RPGR: variants seen among roughly 807,000 people sequenced by gnomAD.
RPGR encodes the protein X-linked retinitis pigmentosa GTPase regulator.
RPGR carries 10 observed loss-of-function variants against 56.3 expected under a neutral mutation model. The observed-to-expected ratio is 0.18, with a 90% confidence interval of 0.11 to 0.30. The LOEUF is 0.30. RPGR is among the 10% of genes least tolerant of loss of function. RPGR has a pLI of 1.00. For missense variants in RPGR, 538 were observed against 590.9 expected (o/e 0.91, Z 0.93); for synonymous variants, 197 against 212.9 (o/e 0.93, Z 0.65).
chrX:38,307,453 T>C (rs1049710535), intron 7 of RPGR, among the ~76,000 whole-genome samples: 1 of 112,685 alleles, frequency 8.9e-6, no homozygotes, highest in African/African-American at 3.2e-5. Context: ...GATCCTCTAA[T>C]AGATTTTTAA....
rs1569235603 is a variant in RPGR, at chrX:38,285,985, C to T, written c.1905+1109G>A. The T allele has an allele frequency of 2.3e-6, 2 of 855,513 alleles. No individual in the cohort carries two copies. The highest frequency in any genetic ancestry group is 2.8e-5 in the African/African-American group (1 of 36,261). 70.5% of individuals were successfully genotyped at this position (855,513 alleles called of 1,213,427 possible). A position where few individuals can be genotyped will look rare whatever the true frequency, so the allele number is the denominator to read the frequency against. On this transcript the variant is annotated intron_variant, in intron 15 of 18. Coordinates refer to ENST00000642395, the MANE Select transcript of RPGR (RefSeq NM_000328.3). The stretch of plus-strand genomic sequence containing the variant: ...CCCTTCTCCCTCCCCTTCTTCCTCT[C>T]CCTCTCCTTCTTCCTCCCCTTCTTC...
chrX:38,293,738 T>C (rs146024592), intron 11 of RPGR, among the ~76,000 whole-genome samples: 2,225 of 111,947 alleles, frequency 0.02, 37 homozygotes, highest in Middle Eastern at 0.055. Context: ...CAACTACCTA[T>C]ATTTGTACCC....
In RPGR at chrX:38,309,973, T is replaced by A. The variant is rs747645408; in HGVS notation, c.778+642A>T. Among the ~76,000 whole-genome samples, 63 of 111,506 alleles carry A rather than the reference T, an allele frequency of 5.6e-4. 1 individual carries two copies. The East Asian group carries it at 0.016, about 29-fold the overall frequency. On this transcript the variant is annotated intron_variant, in intron 7 of 18. Transcript: ENST00000642395. ...AGGAATAAAGGGTGAGAATCTTTTTTTTGTTTGTTTTTCTTTTTGTTTTGA... is the reference window on the plus strand; with the variant it reads ...AGGAATAAAGGGTGAGAATCTTTTTATTGTTTGTTTTTCTTTTTGTTTTGA...
intron 13 of RPGR, among the ~76,000 whole-genome samples, chrX:38,289,593 T>C (rs2067248872): frequency 8.9e-6 from 1 of 112,027 alleles, no homozygotes; most frequent in African/African-American, 3.2e-5. Flanking sequence ...TAGGAAGAGG[T>C]TCCTATTGTG....
Position 38,310,599 on chromosome X carries a change from T to C in RPGR, c.778+16A>G, listed in dbSNP as rs374841764. 23 of 1,207,693 alleles carry C rather than the reference T, an allele frequency of 1.9e-5. No homozygotes were observed. Among genetic ancestry groups the C allele is most frequent in the Admixed American group, 2.2e-5 (1 of 45,668 alleles). ...CCACAGAACGCAGGGAACAGAACAG[T>C]GGACTCCACACATACCCGTGAGAAC... On this transcript the variant is annotated intron_variant, in intron 7 of 18. Coordinates refer to ENST00000642395, the MANE Select transcript of RPGR (RefSeq NM_000328.3).
Position 38,285,720 on chromosome X carries a change from T to A in RPGR, c.1905+1374A>T, listed in dbSNP as rs1464576646. The A allele has an allele frequency of 8.3e-7, 1 of 1,208,969 alleles. No homozygotes were observed. Among genetic ancestry groups the A allele is most frequent in the Admixed American group, 2.2e-5 (1 of 45,640 alleles). On this transcript the variant is annotated intron_variant, in intron 15 of 18. Coordinates refer to ENST00000642395, the MANE Select transcript of RPGR (RefSeq NM_000328.3). ...TTTTATGTTTGCCATATTTCACAGA[T>A]CCTTTTATTTTGCTCACTTTTTTGT...
chrX:38,288,544 A>G (rs2067231228), intron 13 of RPGR, among the ~76,000 whole-genome samples: 1 of 110,612 alleles, frequency 9.0e-6, no homozygotes, highest in South Asian at 3.9e-4. Flanking sequence ...GTCTCTACTA[A>G]AAGTACAAAA....
intron 15 of RPGR, among the ~76,000 whole-genome samples, chrX:38,279,929 A>G (rs893341767): frequency 2.7e-5 from 3 of 110,677 alleles, no homozygotes; most frequent in Non-Finnish European, 5.7e-5. Context: ...TTGGACAGGA[A>G]AAGTTAACCT....
chrX:38,275,039 A>G lies in RPGR; in HGVS notation c.2149+50T>C, dbSNP rs41305243. ...AATTATGGCATACATACACATATATATGTGTGTATGTATGTATGTATATAT... is the reference window on the plus strand; with the variant it reads ...AATTATGGCATACATACACATATATGTGTGTGTATGTATGTATGTATATAT... On this transcript the variant is annotated intron_variant, in intron 17 of 18. Transcript: ENST00000642395. 8.3e-6 allele frequency: 8 copies of G among 968,836 alleles called. No homozygotes were observed. The Middle Eastern group carries it at 8.0e-4, about 96-fold the overall frequency. 79.8% of individuals were successfully genotyped at this position (968,836 alleles called of 1,213,427 possible).
chrX:38,309,250 C>T (rs905590512), intron 7 of RPGR, among the ~76,000 whole-genome samples: 13 of 111,427 alleles, frequency 1.2e-4, no homozygotes, highest in African/African-American at 4.2e-4. Flanking sequence ...CATTAAGGTC[C>T]TAACTTTCTT....
chrX:38,320,532 T>C (rs938830101), intron 4 of RPGR, among the ~76,000 whole-genome samples: 3 of 112,634 alleles, frequency 2.7e-5, no homozygotes, highest in African/African-American at 9.7e-5. Context: ...ACAGCGAGTC[T>C]TGAAACCAGG....
chrX:38,299,225 T>C (rs1233046587), intron 9 of RPGR, 84 bp from the exon 10 acceptor site: 6 of 990,833 alleles, frequency 6.1e-6, no homozygotes, highest in Non-Finnish European at 7.0e-6. Context: ...TGTAAGACAT[T>C]TATTTAGTGG....
In RPGR at chrX:38,286,191, TTCC is replaced by T. The variant is rs1238945219; in HGVS notation, c.1905+900_1905+902del. On this transcript the variant is annotated intron_variant, in intron 15 of 18. Coordinates refer to ENST00000642395, the MANE Select transcript of RPGR (RefSeq NM_000328.3). ...CTCCATCCTCCCCTTCCCCTTCTCCTTCCTCCTCTTCCCCCTCCCCTTCTCCTT... is the reference window on the plus strand; with the variant it reads ...CTCCATCCTCCCCTTCCCCTTCTCCTTCCTCTTCCCCCTCCCCTTCTCCTT... 104 of 360,480 alleles carry T rather than the reference TTCC, an allele frequency of 2.9e-4. No homozygotes were observed. The African/African-American group carries it at 5.1e-3, about 18-fold the overall frequency. The allele number at this position is 360,480 out of a possible 1,213,427, so 29.7% of individuals were successfully genotyped here.
At chrX:38,269,883 C>T (rs765161993) in intron 18 of RPGR, 2 of 903,800 alleles carry the variant, frequency 2.2e-6, no homozygotes, top group African/African-American at 3.9e-5. Flanking sequence ...GTGAAACATT[C>T]ACTTAACAGT....
chrX:38,323,597 T>C (rs1200751582), intron 1 of RPGR, 73 bp from the exon 2 acceptor site: 1 of 1,112,181 alleles, frequency 9.0e-7, no homozygotes, highest in Non-Finnish European at 1.2e-6. Context: ...TTTTGAGTAA[T>C]TTATCCATAC....
Position 38,291,123 on chromosome X carries a change from ATTTT to A in RPGR, c.1507-103_1507-100del, listed in dbSNP as rs10567683. On this transcript the variant is annotated intron_variant, in intron 12 of 18. Coordinates refer to ENST00000642395, the MANE Select transcript of RPGR (RefSeq NM_000328.3). ...ATATAGTATATTTTCAATTATATAT[ATTTT>A]TTTATATATATATATATATAAAATG... 9,621 of 172,292 alleles carry A rather than the reference ATTTT, an allele frequency of 0.056. 383 individuals carry two copies. Among genetic ancestry groups the A allele is most frequent in the South Asian group, 0.18 (798 of 4,339 alleles). 14.2% of individuals were successfully genotyped at this position (172,292 alleles called of 1,213,427 possible).
At chrX:38,322,740 C>T (rs1208882778) in intron 3 of RPGR, 113 bp downstream of exon 3, 1 of 580,809 alleles carries the variant, frequency 1.7e-6, no homozygotes, top group African/African-American at 2.3e-5. Context: ...AATATTCAAG[C>T]AAATGTCAGA....
chrX:38,289,760 T>C (rs1013444166), intron 13 of RPGR, among the ~76,000 whole-genome samples: 3 of 112,619 alleles, frequency 2.7e-5, no homozygotes, highest in African/African-American at 9.7e-5. Context: ...TTAAAAGGAA[T>C]TGCTTTCCGT....
rs1233849070 is a variant in RPGR at position 38,286,455 on chromosome X, CT to C, written c.1905+638del. On this transcript the variant is annotated intron_variant, in intron 15 of 18. Coordinates refer to ENST00000642395, the MANE Select transcript of RPGR (RefSeq NM_000328.3). ...TCCCTTCTCCTTCCTCCTCTTCCCC[CT>C]CCCCTTCCTCCTCTTCCCCCTCCCC... The C allele has an allele frequency of 7.3e-6, 6 of 820,940 alleles. No individual in the cohort carries two copies. Among genetic ancestry groups the C allele is most frequent in the African/African-American group, 5.7e-5 (1 of 17,620 alleles). The allele number at this position is 820,940 out of a possible 1,213,427, so 67.7% of individuals were successfully genotyped here. A position where few individuals can be genotyped will look rare whatever the true frequency, so the allele number is the denominator to read the frequency against.
Sources: gnomAD v4.1 joint callset for allele counts (sites outside exome capture counted in the v4.1 genomes callset) on GRCh38, gnomAD v4.1.1 for gene constraint, MANE v1.5 for transcripts, NCBI Gene and HGNC (gene_info 2026-07-23, HGNC 2026-07-21) for gene names.